The following SNAI1 variants were observed in gnomAD, a reference collection of about 807,000 sequenced individuals.
The protein encoded by SNAI1 is zinc finger protein SNAI1.
Under a neutral mutation model 24.7 loss-of-function variants are expected in SNAI1, and 15 were observed. The ratio of observed to expected loss-of-function variants is 0.61; its 90% CI spans 0.41 to 0.93. SNAI1 has a LOEUF of 0.93. Among genes scored for constraint, SNAI1 ranks in the 40% least tolerant of loss-of-function variants. The pLI is 0.00. For missense variants in SNAI1, 283 were observed against 336.7 expected (o/e 0.84, Z 1.25); for synonymous variants, 163 against 142.9 (o/e 1.14, Z -1.00).
At position 49,982,998 on chromosome 20, in the gene SNAI1, C is replaced by T. The variant is rs994015096; in HGVS notation, c.-62C>T. The stretch of plus-strand genomic sequence containing the variant: ...TGCATTCATTGCGCCGCGGCACGGC[C>T]TAGCGAGTGGTTCTTCTGCGCTACT... On this transcript the variant is annotated 5_prime_UTR_variant, in exon 1 of 3. Coordinates refer to ENST00000244050, the MANE Select transcript of SNAI1 (RefSeq NM_005985.4). The T allele has an allele frequency of 1.9e-5, 23 of 1,238,406 alleles. No homozygotes were observed. Among genetic ancestry groups the T allele is most frequent in the Middle Eastern group, 1.9e-4 (1 of 5,360 alleles). 76.7% of individuals were successfully genotyped at this position (1,238,406 alleles called of 1,614,324 possible). A position where few individuals can be genotyped will look rare whatever the true frequency, so the allele number is the denominator to read the frequency against.
At chr20:49,986,718 G>A (rs754224262) in intron 2 of SNAI1, among the ~76,000 whole-genome samples, 1 of 152,020 alleles carries the variant, frequency 6.6e-6, no homozygotes, top group Non-Finnish European at 1.5e-5. Flanking sequence ...TGCCTCACTC[G>A]GCCTCCCAGA....
intron 2 of SNAI1, among the ~76,000 whole-genome samples, 172 bp from the exon 3 acceptor site, chr20:49,987,700 G>A (rs1317077408): frequency 6.6e-6 from 1 of 152,152 alleles, no homozygotes; most frequent in Non-Finnish European, 1.5e-5. Context: ...GTGGGAAGCA[G>A]CAGAGCTCCG....
chr20:49,988,160 T>G lies in SNAI1; in HGVS notation c.*104T>G. 9 of 1,030,532 alleles carry G rather than the reference T, an allele frequency of 8.7e-6. No individual in the cohort carries two copies. The highest frequency in any genetic ancestry group is 1.1e-5 in the Non-Finnish European group (8 of 712,520). 63.8% of individuals were successfully genotyped at this position (1,030,532 alleles called of 1,614,324 possible). On this transcript the variant is annotated 3_prime_UTR_variant, in exon 3 of 3. Transcript: ENST00000244050. ...TCCTTCTCACTGCCATGGAATTCCC[T>G]CCTGAGTGCCCCACTTCTGGCCACA...
At chr20:49,983,257 G>C in intron 1 of SNAI1, 116 bp downstream of exon 1, 1 of 820,200 alleles carries the variant, frequency 1.2e-6, no homozygotes, top group East Asian at 2.7e-5. Context: ...AGGATGTTTT[G>C]TGGACCATTG....
chr20:49,984,134 C>T lies in SNAI1; in HGVS notation c.393C>T (p.Gly131=). 2 of 1,614,248 alleles carry T rather than the reference C, an allele frequency of 1.2e-6. No individual in the cohort carries two copies. Among genetic ancestry groups the T allele is most frequent in the Non-Finnish European group, 1.7e-6 (2 of 1,180,044 alleles). ...LEAEAYAAFP[G]LGQVPKQLAQ... ...CCGAGGCCTATGCTGCCTTCCCAGGCTTGGGCCAAGTGCCCAAGCAGCTGG... is the reference window on the plus strand; with the variant it reads ...CCGAGGCCTATGCTGCCTTCCCAGGTTTGGGCCAAGTGCCCAAGCAGCTGG... The change falls in exon 2 of 3, where the codon GGC becomes GGT. Residue 131 remains glycine (G), a synonymous_variant. Transcript: ENST00000244050.
chr20:49,984,154 A>T lies in SNAI1; in HGVS notation c.413A>T (p.Gln138Leu), dbSNP rs765800408. 5.0e-6 allele frequency: 8 copies of T among 1,614,114 alleles called. No individual in the cohort carries two copies. Residue 138 changes from glutamine (Q) to leucine (L), a missense_variant, in exon 2 of 3, where the codon CAG becomes CTG. Coordinates refer to ENST00000244050, the MANE Select transcript of SNAI1 (RefSeq NM_005985.4). ...CCAGGCTTGGGCCAAGTGCCCAAGC[A>T]GCTGGCCCAGCTCTCTGAGGCCAAG... is the stretch of plus-strand genomic sequence containing the variant. ...AFPGLGQVPK[Q>L]LAQLSEAKDL... is the part of the protein sequence containing the mutation.
Position 49,984,231 on chromosome 20 carries a change from C to T in SNAI1, c.490C>T (p.Leu164Phe), listed in dbSNP as rs757108623. 2 of 1,614,228 alleles carry T rather than the reference C, an allele frequency of 1.2e-6. No homozygotes were observed. Among genetic ancestry groups the T allele is most frequent in the South Asian group, 2.2e-5 (2 of 91,090 alleles). Residue 164 changes from leucine to phenylalanine, a missense_variant, in exon 2 of 3, where the codon CTC becomes TTC. Transcript: ENST00000244050. ...CTGCAAATACTGCAACAAGGAATAC[C>T]TCAGCCTGGGTGCCCTCAAGATGCA... Reference protein sequence around the residue: ...FNCKYCNKEYLSLGALKMHIR... With the variant: ...FNCKYCNKEYFSLGALKMHIR...
intron 2 of SNAI1, among the ~76,000 whole-genome samples, chr20:49,985,071 T>G (rs745435386): frequency 3.9e-5 from 6 of 152,200 alleles, no homozygotes; most frequent in Non-Finnish European, 5.9e-5. Context: ...CGAACGGTTC[T>G]CAGGTCGGCT....
At position 49,988,822 on chromosome 20, in the gene SNAI1, G is replaced by A. The variant is rs954643593; in HGVS notation, c.*766G>A. The A allele has an allele frequency of 8.5e-5, 13 of 152,566 alleles. No individual in the cohort carries two copies. The highest frequency in any genetic ancestry group is 2.9e-4 in the African/African-American group (12 of 41,412). The allele number at this position is 152,566 out of a possible 1,614,324, so 9.5% of individuals were successfully genotyped here. A position where few individuals can be genotyped will look rare whatever the true frequency, so the allele number is the denominator to read the frequency against. On this transcript the variant is annotated 3_prime_UTR_variant, in exon 3 of 3. Transcript: ENST00000244050. Reference sequence around the variant, plus strand: ...TTCAAACATTTTGTATCAAGGAAACGTTTTGTATAGTTATATGTACAGTTT... The same window carrying A: ...TTCAAACATTTTGTATCAAGGAAACATTTTGTATAGTTATATGTACAGTTT...
chr20:49,987,276 T>G (rs1600888638), intron 2 of SNAI1, among the ~76,000 whole-genome samples: 7 of 145,942 alleles, frequency 4.8e-5, no homozygotes, highest in African/African-American at 1.3e-4. Context: ...GAGGTGGGGG[T>G]GGGGAAGCCT....
rs1221353985 is a variant in SNAI1, at chr20:49,988,123, A to G, written c.*67A>G. 3.6e-6 allele frequency: 5 copies of G among 1,405,324 alleles called. No homozygotes were observed. The East Asian group carries it at 1.2e-4, about 33-fold the overall frequency. 87.1% of individuals were successfully genotyped at this position (1,405,324 alleles called of 1,614,324 possible). On this transcript the variant is annotated 3_prime_UTR_variant, in exon 3 of 3. Coordinates refer to ENST00000244050, the MANE Select transcript of SNAI1 (RefSeq NM_005985.4). ...GACAGCCTTCCCCAGCTCCAGCAGG[A>G]AGGACCCCACATCCTTCTCACTGCC...
chr20:49,988,331 G>C lies in SNAI1; in HGVS notation c.*275G>C. The C allele has an allele frequency of 2.4e-6, 1 of 409,584 alleles. No homozygotes were observed. The highest frequency in any genetic ancestry group is 4.1e-5 in the Admixed American group (1 of 24,222). The allele number at this position is 409,584 out of a possible 1,614,324, so 25.4% of individuals were successfully genotyped here. ...GGGATTCCTGAGCTGGCCTGTCTGC[G>C]TGGGTTTTTGTATCCAGAGCTGTTT... On this transcript the variant is annotated 3_prime_UTR_variant, in exon 3 of 3. Transcript: ENST00000244050.
Position 49,983,093 on chromosome 20 carries a change from G to A in SNAI1, c.34G>A (p.Asp12Asn). The A allele has an allele frequency of 6.2e-7, 1 of 1,613,820 alleles. No individual in the cohort carries two copies. Residue 12 changes from aspartate (D) to asparagine (N), a missense_variant, in exon 1 of 3, where the codon GAC (aspartate) becomes AAC (asparagine). Coordinates refer to ENST00000244050, the MANE Select transcript of SNAI1 (RefSeq NM_005985.4). The stretch of plus-strand genomic sequence containing the variant: ...CTCTTTCCTCGTCAGGAAGCCCTCC[G>A]ACCCCAATCGGAAGCCTAACTACAG... ...PRSFLVRKPS[D>N]PNRKPNYSEL...
Position 49,984,141 on chromosome 20 carries a change from C to G in SNAI1, c.400C>G (p.Gln134Glu), listed in dbSNP as rs2078326603. Reference sequence around the variant, plus strand: ...CTATGCTGCCTTCCCAGGCTTGGGCCAAGTGCCCAAGCAGCTGGCCCAGCT... The same window carrying G: ...CTATGCTGCCTTCCCAGGCTTGGGCGAAGTGCCCAAGCAGCTGGCCCAGCT... ...EAYAAFPGLG[Q>E]VPKQLAQLSE... Residue 134 changes from glutamine to glutamate, a missense_variant, in exon 2 of 3, where the codon CAA (glutamine) becomes GAA (glutamate). Transcript: ENST00000244050. The G allele has an allele frequency of 3.7e-6, 6 of 1,614,208 alleles. No individual in the cohort carries two copies. The East Asian group carries it at 1.1e-4, about 30-fold the overall frequency.
Position 49,983,077 on chromosome 20 carries a change from C to A in SNAI1, c.18C>A (p.Leu6=), listed in dbSNP as rs780596210. 6.2e-7 allele frequency: 1 copy of A among 1,613,742 alleles called. No individual in the cohort carries two copies. The highest frequency in any genetic ancestry group is 1.1e-5 in the South Asian group (1 of 91,048). The change falls in exon 1 of 3, where the codon CTC becomes CTA. Residue 6 remains leucine (L), a synonymous_variant. Coordinates refer to ENST00000244050, the MANE Select transcript of SNAI1 (RefSeq NM_005985.4). ...CGACCACTATGCCGCGCTCTTTCCT[C>A]GTCAGGAAGCCCTCCGACCCCAATC... MPRSF[L]VRKPSDPNRK... is the part of the protein sequence containing the mutation.
At chr20:49,983,236 G>C (rs2078322529) in intron 1 of SNAI1, 95 bp downstream of exon 1, 1 of 947,058 alleles carries the variant, frequency 1.1e-6, no homozygotes, top group Non-Finnish European at 1.7e-6. Flanking sequence ...CCTGAGCCAG[G>C]ATCGAGTCAC....
chr20:49,984,193 G>A lies in SNAI1; in HGVS notation c.452G>A (p.Arg151Gln). Reference protein sequence around the residue: ...QLSEAKDLQARKAFNCKYCNK... With the variant: ...QLSEAKDLQAQKAFNCKYCNK... The stretch of plus-strand genomic sequence containing the variant: ...TCTGAGGCCAAGGATCTCCAGGCTC[G>A]AAAGGCCTTCAACTGCAAATACTGC... The change falls in exon 2 of 3, where the codon CGA (arginine) becomes CAA (glutamine). Residue 151 changes from arginine (R) to glutamine (Q), a missense_variant. By Grantham distance (43) the Arg-to-Gln change is conservative. Transcript: ENST00000244050. The A allele has an allele frequency of 1.9e-6, 3 of 1,614,202 alleles. No homozygotes were observed. Among genetic ancestry groups the A allele is most frequent in the Non-Finnish European group, 2.5e-6 (3 of 1,180,028 alleles).
Position 49,983,145 on chromosome 20 carries a change from C to T in SNAI1, c.82+4C>T. The T allele has an allele frequency of 1.9e-6, 3 of 1,610,748 alleles. No individual in the cohort carries two copies. Among genetic ancestry groups the T allele is most frequent in the South Asian group, 2.2e-5 (2 of 90,908 alleles). On this transcript the variant is annotated splice_donor_region_variant and intron_variant, in intron 1 of 2. Transcript: ENST00000244050. The stretch of plus-strand genomic sequence containing the variant: ...GAGCTGCAGGACTCTAATCCAGGTG[C>T]GTTGGAGGGGTTCTGGGCTCCAGGA...
rs139386653 is a variant in SNAI1 at position 49,984,003 on chromosome 20, C to G, written c.262C>G (p.Leu88Val). The G allele has an allele frequency of 6.2e-6, 10 of 1,613,452 alleles. No homozygotes were observed. Among genetic ancestry groups the G allele is most frequent in the Non-Finnish European group, 8.5e-6 (10 of 1,179,676 alleles). The change falls in exon 2 of 3, where the codon CTG becomes GTG. Residue 88 changes from leucine (L) to valine (V), a missense_variant. By Grantham distance (32) the Leu-to-Val change is conservative (BLOSUM62 1). Coordinates refer to ENST00000244050, the MANE Select transcript of SNAI1 (RefSeq NM_005985.4). ...RLQESPRVAE[L>V]TSLSDEDSGK... ...CCAGGAGAGTCCCAGGGTGGCAGAG[C>G]TGACCTCCCTGTCAGATGAGGACAG...
Sources: allele counts gnomAD v4.1 joint callset (sites outside exome capture counted in the v4.1 genomes callset), GRCh38; gene constraint gnomAD v4.1.1; transcripts MANE v1.5; gene names NCBI Gene and HGNC (gene_info 2026-07-23, HGNC 2026-07-21).